Variants in NOS1AP observed in about 807,000 individuals in gnomAD.
The protein encoded by NOS1AP is carboxyl-terminal PDZ ligand of neuronal nitric oxide synthase protein.
A neutral mutation model predicts 56.2 loss-of-function variants in NOS1AP; 21 were observed. The ratio of observed to expected loss-of-function variants is 0.37; its 90% CI spans 0.26 to 0.54. NOS1AP has a LOEUF of 0.54. NOS1AP is among the 20% of genes least tolerant of loss of function. The pLI is 0.84. For synonymous variants in NOS1AP, 270 were observed against 274.6 expected (o/e 0.98, Z 0.17); for missense variants, 522 against 657.8 (o/e 0.79, Z 2.26).
chr1:162,106,666 G>T (rs1435600049), intron 1 of NOS1AP, among the ~76,000 whole-genome samples: 1 of 152,238 alleles, frequency 6.6e-6, no homozygotes, highest in African/African-American at 2.4e-5. Flanking sequence ...GACTTGTAGA[G>T]TAATGTAGAT....
At chr1:162,338,479 C>T (rs1316429654) in intron 5 of NOS1AP, among the ~76,000 whole-genome samples, 2 of 152,142 alleles carry the variant, frequency 1.3e-5, no homozygotes, top group Non-Finnish European at 2.9e-5. Flanking sequence ...TCTTCCAGGA[C>T]AGTGAAATTC....
intron 2 of NOS1AP, among the ~76,000 whole-genome samples, chr1:162,158,446 A>G (rs769363953): frequency 3.3e-5 from 5 of 152,224 alleles, no homozygotes; most frequent in Admixed American, 2.0e-4. Context: ...TAGTGCTGCA[A>G]TGAACATAGG....
intron 8 of NOS1AP, chr1:162,360,867 T>C (rs1001428477): frequency 3.1e-5 from 14 of 456,602 alleles, no homozygotes; most frequent in Non-Finnish European, 5.7e-5. Context: ...ATGTGCCTGC[T>C]ACTCCCTAAC....
At chr1:162,255,753 G>A (rs527337617) in intron 2 of NOS1AP, among the ~76,000 whole-genome samples, 3 of 152,170 alleles carry the variant, frequency 2.0e-5, no homozygotes, top group South Asian at 4.1e-4. Context: ...CAAGAGAAAC[G>A]TTGGTGAGGG....
chr1:162,121,317 G>A (rs1014340363), intron 1 of NOS1AP, among the ~76,000 whole-genome samples: 1 of 151,786 alleles, frequency 6.6e-6, no homozygotes, highest in Non-Finnish European at 1.5e-5. Context: ...TAGTGGAGAC[G>A]GGGTTTGGCC....
chr1:162,119,695 G>A (rs945417920), intron 1 of NOS1AP, among the ~76,000 whole-genome samples: 2 of 152,044 alleles, frequency 1.3e-5, no homozygotes, highest in Admixed American at 1.3e-4. Context: ...TTCTTTATGC[G>A]GCTCTAGCTT....
chr1:162,273,634 C>G (rs1382529976), intron 2 of NOS1AP, among the ~76,000 whole-genome samples: 1 of 152,162 alleles, frequency 6.6e-6, no homozygotes, highest in Non-Finnish European at 1.5e-5. Context: ...CATCTCCTAT[C>G]CTGACACTTC....
At chr1:162,264,258 C>T (rs981323820) in intron 2 of NOS1AP, among the ~76,000 whole-genome samples, 17 of 152,080 alleles carry the variant, frequency 1.1e-4, no homozygotes, top group African/African-American at 3.6e-4. Flanking sequence ...TCAGCCTCTT[C>T]TCCCTTTACT....
chr1:162,074,088 A>G (rs946648069), intron 1 of NOS1AP, among the ~76,000 whole-genome samples: 3 of 152,212 alleles, frequency 2.0e-5, no homozygotes, highest in African/African-American at 7.2e-5. Flanking sequence ...TTTGCATTGG[A>G]CTTCTACATA....
intron 1 of NOS1AP, among the ~76,000 whole-genome samples, chr1:162,103,799 C>T (rs1447346358): frequency 1.3e-5 from 2 of 151,932 alleles, no homozygotes; most frequent in African/African-American, 4.8e-5. Context: ...TTCCTCCATC[C>T]CTTTATTTTG....
At chr1:162,221,036 G>A (rs913340059) in intron 2 of NOS1AP, among the ~76,000 whole-genome samples, 3 of 152,126 alleles carry the variant, frequency 2.0e-5, no homozygotes, top group African/African-American at 7.2e-5. Context: ...CCACCTCTCG[G>A]GTTCAAGTGA....
rs138968858 is a variant in NOS1AP at position 162,218,262 on chromosome 1, G to A, written c.177+63786G>A. On this transcript the variant is annotated intron_variant, in intron 2 of 9. Coordinates refer to ENST00000361897, the MANE Select transcript of NOS1AP (RefSeq NM_014697.3). Reference sequence around the variant, plus strand: ...TCCTTGGCTGGGAGCCTGATGACTTGAGGTCTTGCTCTGGGTTTATGCAAA... The same window carrying A: ...TCCTTGGCTGGGAGCCTGATGACTTAAGGTCTTGCTCTGGGTTTATGCAAA... 2.3e-3 allele frequency among the ~76,000 whole-genome samples: 351 copies of A among 152,296 alleles called. 3 individuals are homozygous for A. Among genetic ancestry groups the A allele is most frequent in the African/African-American group, 7.9e-3 (327 of 41,574 alleles).
chr1:162,117,844 A>T (rs889512863), intron 1 of NOS1AP, among the ~76,000 whole-genome samples: 8 of 152,184 alleles, frequency 5.3e-5, no homozygotes, highest in Admixed American at 6.5e-5. Flanking sequence ...ATGCACACAT[A>T]TGTGTTGGGA....
intron 2 of NOS1AP, among the ~76,000 whole-genome samples, chr1:162,250,870 T>C (rs947445064): frequency 2.0e-5 from 3 of 152,164 alleles, no homozygotes; most frequent in African/African-American, 7.2e-5. Flanking sequence ...CTTGAGCTTT[T>C]GTAACCCAAA....
intron 2 of NOS1AP, among the ~76,000 whole-genome samples, chr1:162,229,750 A>C (rs2101667126): frequency 6.6e-6 from 1 of 152,318 alleles, no homozygotes; most frequent in South Asian, 2.1e-4. Context: ...CTGAATGATA[A>C]TCCCAGGGTG....
intron 2 of NOS1AP, among the ~76,000 whole-genome samples, chr1:162,193,063 G>T (rs1651693924): frequency 6.6e-6 from 1 of 152,056 alleles, no homozygotes; most frequent in South Asian, 2.1e-4. Flanking sequence ...GTGCTTTTGC[G>T]AACACTCAGG....
At chr1:162,355,383 C>T in intron 7 of NOS1AP, 30 bp downstream of exon 7, 2 of 1,613,036 alleles carry the variant, frequency 1.2e-6, no homozygotes, top group Non-Finnish European at 1.7e-6. Flanking sequence ...TCTGTGTGAT[C>T]TGCACACGTG....
At chr1:162,257,856 T>C (rs1056242012) in intron 2 of NOS1AP, among the ~76,000 whole-genome samples, 1 of 152,164 alleles carries the variant, frequency 6.6e-6, no homozygotes, top group African/African-American at 2.4e-5. Context: ...GCTTAGCCTT[T>C]GTCTCTTCAG....
chr1:162,132,276 C>A (rs1490013620), intron 1 of NOS1AP, among the ~76,000 whole-genome samples: 1 of 152,146 alleles, frequency 6.6e-6, no homozygotes, highest in Non-Finnish European at 1.5e-5. Flanking sequence ...GAAGGTGACG[C>A]ACATTGGAGG....
Sources: allele counts gnomAD v4.1 joint callset (sites outside exome capture counted in the v4.1 genomes callset), GRCh38; gene constraint gnomAD v4.1.1; transcripts MANE v1.5; gene names NCBI Gene and HGNC (gene_info 2026-07-23, HGNC 2026-07-21).